The following CLASP1 variants were observed in gnomAD, a reference collection of about 807,000 sequenced individuals.
CLASP1 encodes the protein cytoplasmic linker associated protein 1.
Under a neutral mutation model 192.3 loss-of-function variants are expected in CLASP1, and 38 were observed. The ratio of observed to expected loss-of-function variants is 0.20; its 90% CI spans 0.15 to 0.26. CLASP1 has a LOEUF of 0.26. CLASP1 is among the 10% of genes least tolerant of loss of function. CLASP1 has a pLI of 1.00. For synonymous variants in CLASP1, 691 were observed against 712.8 expected (o/e 0.97, Z 0.49); for missense variants, 1,433 against 1,932.5 (o/e 0.74, Z 4.85).
chr2:121,450,345 A>T (rs549507985), intron 16 of CLASP1, among the ~76,000 whole-genome samples: 3 of 152,026 alleles, frequency 2.0e-5, no homozygotes, highest in Non-Finnish European at 2.9e-5. Context: ...AAAAAAAAAA[A>T]TTTCCAAGGA....
chr2:121,580,505 C>T (rs1280257483), intron 2 of CLASP1, among the ~76,000 whole-genome samples: 2 of 152,182 alleles, frequency 1.3e-5, no homozygotes, highest in African/African-American at 4.8e-5. Context: ...TTTTTCTACA[C>T]ATTTGTACAA....
chr2:121,494,959 T>G (rs1193728118), intron 8 of CLASP1, among the ~76,000 whole-genome samples: 1 of 151,650 alleles, frequency 6.6e-6, no homozygotes, highest in African/African-American at 2.4e-5. Flanking sequence ...GAGGCGGAGG[T>G]AACAGCGAGC....
At chr2:121,428,371 A>AGTGCCT (rs1394642138) in intron 20 of CLASP1, among the ~76,000 whole-genome samples, 1 of 152,240 alleles carries the variant, frequency 6.6e-6, no homozygotes, top group Non-Finnish European at 1.5e-5. Flanking sequence ...AGAGGGAAGC[A>AGTGCCT]ACACTGCAAA....
intron 1 of CLASP1, among the ~76,000 whole-genome samples, chr2:121,617,433 G>A (rs942308361): frequency 6.6e-6 from 1 of 152,114 alleles, no homozygotes; most frequent in South Asian, 2.1e-4. Flanking sequence ...CAACAGTGAA[G>A]CTTCTTTAAG....
intron 1 of CLASP1, among the ~76,000 whole-genome samples, chr2:121,635,816 G>C (rs1010141425): frequency 2.6e-5 from 4 of 152,200 alleles, no homozygotes; most frequent in African/African-American, 9.6e-5. Context: ...TGTCAAAAAT[G>C]AAAAGGCAAA....
intron 8 of CLASP1, among the ~76,000 whole-genome samples, chr2:121,476,089 A>C (rs1033911308): frequency 6.6e-6 from 1 of 152,214 alleles, no homozygotes; most frequent in African/African-American, 2.4e-5. Context: ...TGAAGGGAAA[A>C]ATAGCAGTAA....
intron 37 of CLASP1, among the ~76,000 whole-genome samples, chr2:121,362,557 C>T (rs1053928360): frequency 6.6e-6 from 1 of 152,222 alleles, no homozygotes; most frequent in Non-Finnish European, 1.5e-5. Flanking sequence ...ACCACTCAGC[C>T]TCATCTTGCA....
intron 2 of CLASP1, among the ~76,000 whole-genome samples, chr2:121,605,031 A>G (rs1038512560): frequency 5.3e-5 from 8 of 152,216 alleles, no homozygotes; most frequent in African/African-American, 1.9e-4. Flanking sequence ...CAGCACTTCA[A>G]GTCCAATCTA....
intron 35 of CLASP1, among the ~76,000 whole-genome samples, chr2:121,367,151 T>C (rs2067567623): frequency 6.6e-6 from 1 of 152,186 alleles, no homozygotes; most frequent in African/African-American, 2.4e-5. Context: ...CTCAGAGCAG[T>C]GCTTCAGGAT....
At chr2:121,474,384 A>C (rs867889915) in intron 8 of CLASP1, among the ~76,000 whole-genome samples, 4 of 152,272 alleles carry the variant, frequency 2.6e-5, no homozygotes, top group Middle Eastern at 3.4e-3. Context: ...TGTATCACAA[A>C]CCTTACTGAG....
intron 2 of CLASP1, among the ~76,000 whole-genome samples, chr2:121,580,740 A>G (rs551741377): frequency 6.6e-6 from 1 of 152,336 alleles, no homozygotes; most frequent in South Asian, 2.1e-4. Flanking sequence ...TCTTATTTCA[A>G]GTGTTTTTTA....
At chr2:121,510,656 C>T (rs888843220) in intron 7 of CLASP1, among the ~76,000 whole-genome samples, 2 of 151,360 alleles carry the variant, frequency 1.3e-5, no homozygotes, top group African/African-American at 4.9e-5. Flanking sequence ...AAATTACCCG[C>T]GCATGGTAGC....
intron 6 of CLASP1, among the ~76,000 whole-genome samples, chr2:121,520,041 T>C (rs968546132): frequency 1.3e-5 from 2 of 152,198 alleles, no homozygotes; most frequent in African/African-American, 4.8e-5. Context: ...CCAGGTCTTA[T>C]ATGTATGCTT....
At chr2:121,348,941 C>T (rs1020701078) in intron 37 of CLASP1, among the ~76,000 whole-genome samples, 2 of 152,042 alleles carry the variant, frequency 1.3e-5, no homozygotes, top group Admixed American at 6.6e-5. Context: ...TAGGAAAAAC[C>T]TTAGAAAAGT....
intron 30 of CLASP1, among the ~76,000 whole-genome samples, chr2:121,394,002 A>G (rs530102075): frequency 1.2e-4 from 18 of 152,326 alleles, no homozygotes; most frequent in African/African-American, 4.1e-4. Flanking sequence ...GAATTATCGA[A>G]TAACTATGGA....
intron 19 of CLASP1, among the ~76,000 whole-genome samples, chr2:121,435,335 C>A (rs969259393): frequency 6.6e-6 from 1 of 152,074 alleles, no homozygotes; most frequent in East Asian, 1.9e-4. Flanking sequence ...AGTTCAATGG[C>A]GCAATCTGGG....
chr2:121,461,786 G>T (rs1274707928), intron 10 of CLASP1, among the ~76,000 whole-genome samples: 2 of 152,080 alleles, frequency 1.3e-5, no homozygotes, highest in Non-Finnish European at 2.9e-5. Flanking sequence ...GTTCAAGGGA[G>T]CCTCACACCT....
intron 23 of CLASP1, among the ~76,000 whole-genome samples, chr2:121,411,882 T>G (rs1204333789): frequency 6.6e-6 from 1 of 152,158 alleles, no homozygotes; most frequent in African/African-American, 2.4e-5. Flanking sequence ...AGTAAAAAAT[T>G]TCTTATTTAA....
intron 15 of CLASP1, 78 bp downstream of exon 15, chr2:121,451,712 C>A: frequency 8.9e-7 from 1 of 1,119,900 alleles, no homozygotes; most frequent in Non-Finnish European, 1.3e-6. Flanking sequence ...TTACAGAAAG[C>A]CAGCTGGACC....
Sources: allele counts gnomAD v4.1 joint callset (sites outside exome capture counted in the v4.1 genomes callset), GRCh38; gene constraint gnomAD v4.1.1; transcripts MANE v1.5; gene names NCBI Gene and HGNC (gene_info 2026-07-23, HGNC 2026-07-21).